SLC38A8: variants seen among roughly 807,000 people sequenced by gnomAD.
SLC38A8 encodes the protein solute carrier family 38 member 8, also known as amino acid transporter SLC38A8.
In SLC38A8, 65 loss-of-function variants were observed where a neutral mutation model predicts 46.0. That is an observed-to-expected ratio of 1.41 (90% CI 1.16 to 1.74). The LOEUF is 1.74. Ranked by LOEUF, SLC38A8 falls within the 40% of genes most tolerant of loss-of-function variation. The pLI is 0.00. For missense variants in SLC38A8, 998 were observed against 567.9 expected (o/e 1.76, Z -7.70); for synonymous variants, 447 against 243.7 (o/e 1.83, Z -7.77).
rs528682459 is a variant in SLC38A8 at position 84,023,818 on chromosome 16, C to T, written c.691-929G>A. Among the ~76,000 whole-genome samples the T allele has an allele frequency of 1.7e-3, 254 of 152,284 alleles. 1 individual carries two copies. Among genetic ancestry groups the T allele is most frequent in the African/African-American group, 5.6e-3 (233 of 41,554 alleles). ...CTGAGGCAGGTGAATCACTGGAATT[C>T]GGGAGGCGGAGGTTGCAGTGAGCCA... On this transcript the variant is annotated intron_variant, in intron 6 of 10. Transcript: ENST00000299709.
intron 5 of SLC38A8, 70 bp downstream of exon 5, chr16:84,031,797 G>T: frequency 7.6e-7 from 1 of 1,321,320 alleles, no homozygotes; most frequent in South Asian, 1.2e-5. Context: ...CCTCCTCCAA[G>T]ACTCCCCTCA....
chr16:84,017,408 G>C (rs2085043639), intron 7 of SLC38A8, 121 bp from the exon 8 acceptor site: 5 of 1,181,012 alleles, frequency 4.2e-6, no homozygotes, highest in Admixed American at 2.4e-5. Flanking sequence ...GCTGAAAGAA[G>C]GTTCTGGAAG....
chr16:84,036,919 A>T lies in SLC38A8; in HGVS notation c.190-19T>A. On this transcript the variant is annotated intron_variant, in intron 2 of 10. Transcript: ENST00000299709. ...ACGAGACCTGCGGAGAAGGAGCAGG[A>T]CCTGGAACTGGGGTGTGCCCACAGC... is the stretch of plus-strand genomic sequence containing the variant. 6.3e-7 allele frequency: 1 copy of T among 1,597,096 alleles called. No individual in the cohort carries two copies. The highest frequency in any genetic ancestry group is 8.5e-7 in the Non-Finnish European group (1 of 1,173,682).
intron 7 of SLC38A8, among the ~76,000 whole-genome samples, chr16:84,018,180 G>C (rs552338778): frequency 6.6e-6 from 1 of 150,946 alleles, no homozygotes; most frequent in Admixed American, 6.6e-5. Context: ...AGGTGGCATA[G>C]GGCATTGTAT....
chr16:84,025,189 G>T (rs951105271), intron 6 of SLC38A8, among the ~76,000 whole-genome samples: 2 of 152,104 alleles, frequency 1.3e-5, no homozygotes, highest in Admixed American at 6.5e-5. Flanking sequence ...GTGGGTTCAG[G>T]GTTCTTCCCA....
chr16:84,013,003 G>A lies in SLC38A8; in HGVS notation c.1212C>T (p.Val404=). Residue 404 remains valine, a splice_region_variant and synonymous_variant, in exon 10 of 11, where the codon GTC becomes GTT. Transcript: ENST00000299709. The stretch of plus-strand genomic sequence containing the variant: ...CACCTCATCTTAGGGACACTTACTT[G>A]ACTCTTGGTCCTATAGGCTCGACAC... ...AMGVEPIGPR[V]KCCLEVWGVV... 1.2e-6 allele frequency: 2 copies of A among 1,614,120 alleles called. No homozygotes were observed. Among genetic ancestry groups the A allele is most frequent in the South Asian group, 2.2e-5 (2 of 91,076 alleles).
chr16:84,041,171 C>T (rs2085362798), intron 2 of SLC38A8: 1 of 152,298 alleles, frequency 6.6e-6, no homozygotes, highest in Non-Finnish European at 1.5e-5. Flanking sequence ...AGCGCGGCGT[C>T]CGCGCTTCCC....
At chr16:84,030,385 G>A (rs904156278) in intron 5 of SLC38A8, among the ~76,000 whole-genome samples, 2 of 152,062 alleles carry the variant, frequency 1.3e-5, no homozygotes, top group Admixed American at 1.3e-4. Context: ...CTGTGCTAGA[G>A]TACCACCGGC....
chr16:84,031,745 G>C (rs555109902), intron 5 of SLC38A8, 122 bp downstream of exon 5: 1 of 806,186 alleles, frequency 1.2e-6, no homozygotes, highest in Non-Finnish European at 2.0e-6. Flanking sequence ...GGAAAGAACT[G>C]GAAGGAAGGA....
chr16:84,018,489 G>A (rs2085058132), intron 7 of SLC38A8, among the ~76,000 whole-genome samples: 1 of 151,986 alleles, frequency 6.6e-6, no homozygotes, highest in African/African-American at 2.4e-5. Flanking sequence ...AAAGTGCTGG[G>A]ATTACAGGCA....
chr16:84,032,603 G>C (rs866287818), intron 4 of SLC38A8, among the ~76,000 whole-genome samples: 6 of 152,224 alleles, frequency 3.9e-5, no homozygotes, highest in Admixed American at 1.3e-4. Context: ...GACGCCAGCA[G>C]GCTCGCTCAC....
intron 2 of SLC38A8, among the ~76,000 whole-genome samples, chr16:84,041,701 G>A (rs765696904): frequency 1.1e-4 from 16 of 152,144 alleles, no homozygotes; most frequent in Non-Finnish European, 1.8e-4. Flanking sequence ...CAGGTGAAAT[G>A]CCCACTTCAC....
Position 84,030,831 on chromosome 16 carries a change from G to A in SLC38A8, c.632+1036C>T, listed in dbSNP as rs535860209. On this transcript the variant is annotated intron_variant, in intron 5 of 10. Transcript: ENST00000299709. Reference sequence around the variant, plus strand: ...GAAGGGTACACTGAGCATGGGGCCTGGGTGACTGTAGGGGTCGCACACCCA... The same window carrying A: ...GAAGGGTACACTGAGCATGGGGCCTAGGTGACTGTAGGGGTCGCACACCCA... Among the ~76,000 whole-genome samples, 36 of 152,122 alleles carry A rather than the reference G, an allele frequency of 2.4e-4. No individual in the cohort carries two copies. The South Asian group carries it at 6.7e-3, about 28-fold the overall frequency.
intron 6 of SLC38A8, among the ~76,000 whole-genome samples, chr16:84,026,238 T>C (rs1180861124): frequency 1.3e-5 from 2 of 152,074 alleles, no homozygotes; most frequent in Non-Finnish European, 2.9e-5. Context: ...GTGTTTTGTT[T>C]TGTTTTTTTG....
chr16:84,017,206 A>T lies in SLC38A8; in HGVS notation c.887T>A (p.Ile296Asn), dbSNP rs764693288. 6.2e-7 allele frequency: 1 copy of T among 1,614,002 alleles called. No homozygotes were observed. Among genetic ancestry groups the T allele is most frequent in the Non-Finnish European group, 8.5e-7 (1 of 1,180,040 alleles). Residue 296 changes from isoleucine (I) to asparagine (N), a missense_variant, in exon 8 of 11, where the codon ATT becomes AAT. By Grantham distance (149) the Ile-to-Asn change is moderately radical. Transcript: ENST00000299709. ...MSYPGNDMVI[I>N]VARVLFAVSI... ...GACAGCAAAAAGGACCCGGGCCACA[A>T]TGATGACCATATCATTGCCTGGGTA... is the stretch of plus-strand genomic sequence containing the variant.
chr16:84,012,277 G>C (rs768409570), intron 10 of SLC38A8, among the ~76,000 whole-genome samples: 1 of 152,202 alleles, frequency 6.6e-6, no homozygotes, highest in African/African-American at 2.4e-5. Context: ...CATCATTCAC[G>C]TGTACATCGT....
At chr16:84,039,800 T>G (rs1004851869) in intron 2 of SLC38A8, 6 of 136,760 alleles carry the variant, frequency 4.4e-5, no homozygotes, top group African/African-American at 1.6e-4. Context: ...CAAGGAAGCC[T>G]CACTGGTGAG....
At chr16:84,040,385 A>G (rs918174698) in intron 2 of SLC38A8, among the ~76,000 whole-genome samples, 5 of 152,082 alleles carry the variant, frequency 3.3e-5, no homozygotes, top group African/African-American at 1.2e-4. Flanking sequence ...GCAAAACAAA[A>G]CAGCTGTTTC....
rs1204143226 is a variant in SLC38A8, at chr16:84,036,894, A to G, written c.196T>C (p.Leu66=). 1.2e-6 allele frequency: 2 copies of G among 1,611,240 alleles called. No individual in the cohort carries two copies. The highest frequency in any genetic ancestry group is 8.5e-7 in the Non-Finnish European group (1 of 1,179,618). The change falls in exon 3 of 11, where the codon TTG becomes CTG. Residue 66 remains leucine, a synonymous_variant. Coordinates refer to ENST00000299709, the MANE Select transcript of SLC38A8 (RefSeq NM_001080442.3). Reference sequence around the variant, plus strand: ...ACCAGCCCGCTGATCAGGAAGACCAACGAGACCTGCGGAGAAGGAGCAGGA... The same window carrying G: ...ACCAGCCCGCTGATCAGGAAGACCAGCGAGACCTGCGGAGAAGGAGCAGGA... The part of the protein sequence containing the change: ...VPAFLVELVS[L]VFLISGLVIL...
Sources: allele counts gnomAD v4.1 joint callset (sites outside exome capture counted in the v4.1 genomes callset), GRCh38; gene constraint gnomAD v4.1.1; transcripts MANE v1.5; gene names NCBI Gene and HGNC (gene_info 2026-07-23, HGNC 2026-07-21).